PGM2L1: variants seen among roughly 807,000 people sequenced by gnomAD.
The protein encoded by PGM2L1 is glucose 1,6-bisphosphate synthase.
A neutral mutation model predicts 73.4 loss-of-function variants in PGM2L1; 35 were observed. That is an observed-to-expected ratio of 0.48 (90% CI 0.36 to 0.63). The LOEUF (loss-of-function observed/expected upper bound fraction) is 0.63. PGM2L1 is among the 30% of genes least tolerant of loss of function. The probability of loss-of-function intolerance (pLI) is 0.00; values close to 1 mark genes in which losing one functional copy is unlikely to be tolerated. For synonymous variants in PGM2L1, 225 were observed against 253.8 expected (o/e 0.89, Z 1.08); for missense variants, 570 against 742.0 (o/e 0.77, Z 2.69).
intron 6 of PGM2L1, among the ~76,000 whole-genome samples, chr11:74,347,693 C>T (rs1862290050): frequency 1.3e-5 from 2 of 152,174 alleles, no homozygotes; most frequent in Admixed American, 1.3e-4. Context: ...CCCCTCGTTT[C>T]TTCACTTCCA....
chr11:74,392,019 A>G (rs952386153), intron 1 of PGM2L1, among the ~76,000 whole-genome samples: 6 of 152,276 alleles, frequency 3.9e-5, no homozygotes, highest in Non-Finnish European at 5.9e-5. Flanking sequence ...TTTAGGAGAC[A>G]TAGAGAATAG....
intron 1 of PGM2L1, among the ~76,000 whole-genome samples, chr11:74,395,694 A>G (rs1863165193): frequency 1.3e-5 from 2 of 151,034 alleles, no homozygotes; most frequent in African/African-American, 4.9e-5. Flanking sequence ...AGCGTGAGCC[A>G]CCGTGCCTGA....
At chr11:74,367,055 T>C (rs554132227) in intron 5 of PGM2L1, among the ~76,000 whole-genome samples, 2 of 152,208 alleles carry the variant, frequency 1.3e-5, no homozygotes, top group East Asian at 1.9e-4. Flanking sequence ...ATTTTAGACA[T>C]AGCATCTGTA....
At chr11:74,396,954 C>T (rs1168987603) in intron 1 of PGM2L1, among the ~76,000 whole-genome samples, 1 of 152,194 alleles carries the variant, frequency 6.6e-6, no homozygotes, top group African/African-American at 2.4e-5. Flanking sequence ...AGGGCAGGAA[C>T]CCTTTCTATT....
chr11:74,390,372 C>A (rs1014357583), intron 1 of PGM2L1, among the ~76,000 whole-genome samples: 7 of 152,250 alleles, frequency 4.6e-5, no homozygotes, highest in Admixed American at 3.9e-4. Flanking sequence ...TTTAAGGTTT[C>A]TTCATCTTTT....
chr11:74,377,094 G>T (rs1470319921), intron 1 of PGM2L1, among the ~76,000 whole-genome samples: 2 of 151,104 alleles, frequency 1.3e-5, no homozygotes, highest in Non-Finnish European at 2.9e-5. Context: ...TATAATATAT[G>T]AAGATTCTAA....
intron 1 of PGM2L1, among the ~76,000 whole-genome samples, chr11:74,386,081 G>GATATATAATTATGTTCTACA: frequency 6.6e-6 from 1 of 152,102 alleles, no homozygotes; most frequent in Non-Finnish European, 1.5e-5. Context: ...TATGTTCTAC[G>GATATATAATTATGTTCTACA]TGATAAAAAT....
At chr11:74,390,922 A>G (rs1230240676) in intron 1 of PGM2L1, among the ~76,000 whole-genome samples, 1 of 152,204 alleles carries the variant, frequency 6.6e-6, no homozygotes, top group Non-Finnish European at 1.5e-5. Flanking sequence ...AGAAACAGAA[A>G]GCAGAATGGT....
chr11:74,388,720 G>A (rs938962936), intron 1 of PGM2L1, among the ~76,000 whole-genome samples: 2 of 152,050 alleles, frequency 1.3e-5, no homozygotes, highest in Admixed American at 6.5e-5. Context: ...CCATTGTTTT[G>A]TTTGGTAAGA....
chr11:74,343,079 A>G, intron 10 of PGM2L1, 65 bp from the exon 11 acceptor site: 1 of 1,508,152 alleles, frequency 6.6e-7, no homozygotes, highest in Non-Finnish European at 8.9e-7. Flanking sequence ...ATAGTTTTAC[A>G]TTTCTTCAGA....
At chr11:74,354,758 A>G (rs1009309703) in intron 5 of PGM2L1, 23 of 1,048,014 alleles carry the variant, frequency 2.2e-5, no homozygotes, top group Non-Finnish European at 3.1e-5. Flanking sequence ...ACTGTGAAAA[A>G]GCTATTTGTT....
intron 1 of PGM2L1, among the ~76,000 whole-genome samples, chr11:74,383,842 T>TATATATATATATAA (rs1484974192): frequency 2.0e-5 from 3 of 146,792 alleles, no homozygotes; most frequent in Non-Finnish European, 4.5e-5. Flanking sequence ...TATATATATA[T>TATATATATATATAA]AACATTTTCT....
intron 5 of PGM2L1, among the ~76,000 whole-genome samples, chr11:74,362,110 C>G (rs981806236): frequency 6.6e-6 from 1 of 152,054 alleles, no homozygotes; most frequent in Non-Finnish European, 1.5e-5. Context: ...ATTCATCAAA[C>G]TTGAAATGAA....
At position 74,371,741 on chromosome 11, in the gene PGM2L1, C is replaced by T; in HGVS notation, c.356G>A (p.Gly119Asp). The T allele has an allele frequency of 1.9e-6, 3 of 1,613,874 alleles. No individual in the cohort carries two copies. The highest frequency in any genetic ancestry group is 2.5e-6 in the Non-Finnish European group (3 of 1,179,834). Residue 119 changes from glycine to aspartate, a missense_variant, in exon 3 of 14, where the codon GGT becomes GAT. By Grantham distance (94) the Gly-to-Asp change is moderately conservative (BLOSUM62 -1). Coordinates refer to ENST00000298198, the MANE Select transcript of PGM2L1 (RefSeq NM_173582.6). The stretch of plus-strand genomic sequence containing the variant: ...GCTGCTGCAGCTGCTAGTTACTTGA[C>T]CCCGAGTGTCATACCCAACCACAAA... Reference protein sequence around the residue: ...RGFVVGYDTRGQVTSSCSSQR... With the variant: ...RGFVVGYDTRDQVTSSCSSQR...
chr11:74,380,426 T>C (rs1485527791), intron 1 of PGM2L1, among the ~76,000 whole-genome samples: 1 of 152,124 alleles, frequency 6.6e-6, no homozygotes, highest in Non-Finnish European at 1.5e-5. Context: ...TTTAAAAAAT[T>C]GGTAGAAATT....
intron 6 of PGM2L1, among the ~76,000 whole-genome samples, chr11:74,350,522 A>G (rs1862333060): frequency 1.3e-5 from 2 of 152,322 alleles, no homozygotes; most frequent in South Asian, 2.1e-4. Flanking sequence ...GGCTTTCGCT[A>G]TATTCATAGA....
In PGM2L1 at chr11:74,342,441, A is replaced by G. The variant is rs200147693; in HGVS notation, c.1632+20T>C. 4.7e-4 allele frequency: 404 copies of G among 860,964 alleles called. No homozygotes were observed. The highest frequency in any genetic ancestry group is 1.4e-3 in the East Asian group (33 of 23,644). The allele number at this position is 860,964 out of a possible 1,614,324, so 53.3% of individuals were successfully genotyped here. On this transcript the variant is annotated intron_variant, in intron 12 of 13. Transcript: ENST00000298198. Reference sequence around the variant, plus strand: ...CCATGAAATTTTCTAAATTGTTTGGAAAAAAAAAAAGGTACTTACTGATTT... The same window carrying G: ...CCATGAAATTTTCTAAATTGTTTGGGAAAAAAAAAAGGTACTTACTGATTT...
intron 6 of PGM2L1, among the ~76,000 whole-genome samples, chr11:74,348,801 T>C (rs964226565): frequency 1.3e-5 from 2 of 152,238 alleles, no homozygotes; most frequent in Non-Finnish European, 2.9e-5. Flanking sequence ...CTTTTGGTAT[T>C]AACATGCTCT....
At position 74,387,585 on chromosome 11, in the gene PGM2L1, C is replaced by A. The variant is rs557335808; in HGVS notation, c.111+10466G>T. 1.1e-4 allele frequency among the ~76,000 whole-genome samples: 16 copies of A among 152,240 alleles called. No homozygotes were observed. The South Asian group carries it at 2.9e-3, about 28-fold the overall frequency. On this transcript the variant is annotated intron_variant, in intron 1 of 13. Coordinates refer to ENST00000298198, the MANE Select transcript of PGM2L1 (RefSeq NM_173582.6). ...TCAGTTTCATTTCCCTGATCAGTGT[C>A]ATTTTCCATTTTATGATTCTACTGT...
Sources: allele counts gnomAD v4.1 joint callset (sites outside exome capture counted in the v4.1 genomes callset), GRCh38; gene constraint gnomAD v4.1.1; transcripts MANE v1.5; gene names NCBI Gene and HGNC (gene_info 2026-07-23, HGNC 2026-07-21).